The following GRID2 variants were observed in gnomAD, a reference collection of about 807,000 sequenced individuals.
The protein encoded by GRID2 is glutamate receptor ionotropic, delta-2.
GRID2 carries 33 observed loss-of-function variants against 114.8 expected under a neutral mutation model. The ratio of observed to expected loss-of-function variants is 0.29; its 90% CI spans 0.22 to 0.38. The LOEUF is 0.38. Ranked by LOEUF, GRID2 falls within the 10% of genes least tolerant of loss-of-function variation. The pLI is 1.00. For missense variants in GRID2, 1,184 were observed against 1,257.7 expected (o/e 0.94, Z 0.89); for synonymous variants, 505 against 449.9 (o/e 1.12, Z -1.55).
At chr4:93,063,400 A>G (rs893406606) in intron 2 of GRID2, among the ~76,000 whole-genome samples, 4 of 152,032 alleles carry the variant, frequency 2.6e-5, no homozygotes, top group South Asian at 2.1e-4. Context: ...AAGTTTTACA[A>G]TAAACTTTAG....
chr4:93,342,953 T>C (rs1433662), intron 8 of GRID2, among the ~76,000 whole-genome samples: 97,855 of 152,040 alleles, frequency 0.64, 31,712 homozygotes, highest in East Asian at 0.74. Context: ...TCAAGTAAAA[T>C]ATTCATGAAG....
intron 1 of GRID2, among the ~76,000 whole-genome samples, chr4:92,365,009 T>C (rs1161633911): frequency 1.3e-5 from 2 of 152,028 alleles, no homozygotes; most frequent in Non-Finnish European, 1.5e-5. Flanking sequence ...GCATAAATAA[T>C]GTGGAGAGAA....
intron 4 of GRID2, among the ~76,000 whole-genome samples, chr4:93,189,595 A>G (rs1740772484): frequency 6.6e-6 from 1 of 152,146 alleles, no homozygotes; most frequent in Non-Finnish European, 1.5e-5. Context: ...TCTGACTGAT[A>G]ATTCAATGTG....
chr4:92,908,453 C>T (rs1327013888), intron 2 of GRID2, among the ~76,000 whole-genome samples: 3 of 150,420 alleles, frequency 2.0e-5, no homozygotes, highest in Admixed American at 6.7e-5. Flanking sequence ...AAAATATTAG[C>T]GTTAAAAATG....
intron 8 of GRID2, among the ~76,000 whole-genome samples, chr4:93,290,872 C>CTTTTTTTTTTTTTTTTTTT (rs56735687): frequency 2.3e-5 from 2 of 88,530 alleles, no homozygotes; most frequent in Non-Finnish European, 4.1e-5. Flanking sequence ...ATACAAGTTA[C>CTTTTTTTTTTTTTTTTTTT]TTTTTTTTTT....
chr4:92,908,025 A>C (rs1302854944), intron 2 of GRID2, among the ~76,000 whole-genome samples: 1 of 152,044 alleles, frequency 6.6e-6, no homozygotes, highest in Non-Finnish European at 1.5e-5. Context: ...CTCCATCTCA[A>C]ACAAAACAAA....
At chr4:92,527,428 G>A in intron 1 of GRID2, among the ~76,000 whole-genome samples, 1 of 152,020 alleles carries the variant, frequency 6.6e-6, no homozygotes, top group East Asian at 1.9e-4. Context: ...TTATATATAT[G>A]TAACTCAAAA....
At chr4:93,280,436 G>T (rs1422577520) in intron 8 of GRID2, among the ~76,000 whole-genome samples, 1 of 151,904 alleles carries the variant, frequency 6.6e-6, no homozygotes. Context: ...GAAACTGATA[G>T]GCTATAAACA....
chr4:92,407,716 T>G (rs145669798), intron 1 of GRID2, among the ~76,000 whole-genome samples: 27 of 152,302 alleles, frequency 1.8e-4, no homozygotes, highest in Non-Finnish European at 2.9e-4. Flanking sequence ...GTTTATTGGT[T>G]GCTTGTATGT....
At chr4:93,220,513 A>T (rs1232039691) in intron 6 of GRID2, among the ~76,000 whole-genome samples, 1 of 152,204 alleles carries the variant, frequency 6.6e-6, no homozygotes, top group Non-Finnish European at 1.5e-5. Context: ...GTGTATATAC[A>T]ATTAAAAGTA....
In GRID2 at chr4:93,194,893, T is replaced by A. The variant is rs909094287; in HGVS notation, c.736-12511T>A. 2.6e-5 allele frequency among the ~76,000 whole-genome samples: 4 copies of A among 152,108 alleles called. No homozygotes were observed. The East Asian group carries it at 7.7e-4, about 29-fold the overall frequency. On this transcript the variant is annotated intron_variant, in intron 4 of 15. Coordinates refer to ENST00000282020, the MANE Select transcript of GRID2 (RefSeq NM_001510.4). ...CCAGCAATCTGTGTTTAAAAAGCCC[T>A]CCAGGTGATTATAACGTATGCTAAA...
At chr4:93,469,549 C>G (rs1724607104) in intron 11 of GRID2, among the ~76,000 whole-genome samples, 1 of 151,848 alleles carries the variant, frequency 6.6e-6, no homozygotes, top group Non-Finnish European at 1.5e-5. Context: ...TTGCTTCACT[C>G]ACAGAAAAAA....
At chr4:93,084,240 T>G (rs1730135049) in intron 2 of GRID2, among the ~76,000 whole-genome samples, 1 of 152,178 alleles carries the variant, frequency 6.6e-6, no homozygotes, top group African/African-American at 2.4e-5. Context: ...TGATCTAGTT[T>G]TAAGTACATT....
intron 14 of GRID2, among the ~76,000 whole-genome samples, chr4:93,699,714 T>A (rs1437300983): frequency 6.6e-6 from 1 of 152,052 alleles, no homozygotes; most frequent in Non-Finnish European, 1.5e-5. Context: ...AGTCCTGAAA[T>A]AGGAAAAGTT....
intron 2 of GRID2, among the ~76,000 whole-genome samples, chr4:92,941,620 G>A (rs1256287296): frequency 6.6e-6 from 1 of 152,068 alleles, no homozygotes; most frequent in East Asian, 1.9e-4. Context: ...GCTTTTGAAT[G>A]TGTTTGCTCT....
intron 8 of GRID2, among the ~76,000 whole-genome samples, chr4:93,299,238 C>A (rs1348023820): frequency 2.0e-5 from 3 of 152,040 alleles, no homozygotes; most frequent in Non-Finnish European, 2.9e-5. Flanking sequence ...TCAGGTAGTT[C>A]AGGCCCTGAG....
intron 2 of GRID2, among the ~76,000 whole-genome samples, chr4:92,930,573 T>C (rs1300762033): frequency 6.7e-6 from 1 of 148,640 alleles, no homozygotes; most frequent in Non-Finnish European, 1.5e-5. Flanking sequence ...TGTTACACTT[T>C]CGGCATTTTT....
chr4:92,470,540 A>G (rs1354388632), intron 1 of GRID2, among the ~76,000 whole-genome samples: 1 of 152,020 alleles, frequency 6.6e-6, no homozygotes, highest in East Asian at 1.9e-4. Flanking sequence ...TCCTTCTTTA[A>G]TAGACACTAT....
chr4:92,618,597 G>A (rs1321500331), intron 2 of GRID2, among the ~76,000 whole-genome samples: 1 of 151,608 alleles, frequency 6.6e-6, no homozygotes, highest in African/African-American at 2.4e-5. Flanking sequence ...GGGAAATATG[G>A]TCATTTTAGC....
Sources: gnomAD v4.1 joint callset for allele counts (sites outside exome capture counted in the v4.1 genomes callset) on GRCh38, gnomAD v4.1.1 for gene constraint, MANE v1.5 for transcripts, NCBI Gene and HGNC (gene_info 2026-07-23, HGNC 2026-07-21) for gene names.